GABRB2: variants seen among roughly 807,000 people sequenced by gnomAD.
The protein encoded by GABRB2 is gamma-aminobutyric acid receptor subunit beta-2.
Under a neutral mutation model 54.7 loss-of-function variants are expected in GABRB2, and 16 were observed. That is an observed-to-expected ratio of 0.29 (90% CI 0.20 to 0.44). The LOEUF (loss-of-function observed/expected upper bound fraction) is 0.44, where lower values mean the gene tolerates loss of function less well. Ranked by LOEUF, GABRB2 falls within the 20% of genes least tolerant of loss-of-function variation. GABRB2 has a pLI of 1.00. For missense variants in GABRB2, 355 were observed against 644.0 expected (o/e 0.55, Z 4.86); for synonymous variants, 244 against 233.8 (o/e 1.04, Z -0.40).
intron 4 of GABRB2, among the ~76,000 whole-genome samples, chr5:161,414,764 A>G (rs1035154911): frequency 1.3e-5 from 2 of 151,628 alleles, no homozygotes; most frequent in Non-Finnish European, 2.9e-5. Context: ...AACAAATATA[A>G]CAATAAATAA....
rs543423374 is a variant in GABRB2, at chr5:161,350,709, A to G, written c.542-13940T>C. Among the ~76,000 whole-genome samples the G allele has an allele frequency of 2.0e-5, 3 of 152,172 alleles. No individual in the cohort carries two copies. The East Asian group carries it at 5.8e-4, about 30-fold the overall frequency. On this transcript the variant is annotated intron_variant, in intron 5 of 9. Transcript: ENST00000393959. ...CCCTCAATCTGGGTGGGCACCATCT[A>G]ATTAGCTGCCAGTGCAGCCAGGATA...
intron 5 of GABRB2, among the ~76,000 whole-genome samples, chr5:161,365,363 A>G (rs1424843444): frequency 6.6e-6 from 1 of 152,190 alleles, no homozygotes; most frequent in African/African-American, 2.4e-5. Flanking sequence ...TCATGTCTAT[A>G]AAGTATTTCA....
chr5:161,312,996 TAGG>T (rs1361258776), intron 9 of GABRB2, among the ~76,000 whole-genome samples: 1 of 152,190 alleles, frequency 6.6e-6, no homozygotes, highest in African/African-American at 2.4e-5. Flanking sequence ...ACACTGTGGG[TAGG>T]AGAAGGGATA....
At chr5:161,407,247 T>C (rs1756373171) in intron 5 of GABRB2, among the ~76,000 whole-genome samples, 1 of 152,000 alleles carries the variant, frequency 6.6e-6, no homozygotes, top group South Asian at 2.1e-4. Flanking sequence ...ATTGTGTAGC[T>C]GAGCTGGCAC....
chr5:161,299,192 T>A (rs1409838724), intron 9 of GABRB2, among the ~76,000 whole-genome samples: 1 of 152,228 alleles, frequency 6.6e-6, no homozygotes, highest in Non-Finnish European at 1.5e-5. Context: ...AATAGACATC[T>A]GTGCTTTGCC....
At chr5:161,331,262 A>G (rs1753829023) in intron 7 of GABRB2, 135 bp from the exon 8 acceptor site, 1 of 1,003,156 alleles carries the variant, frequency 1.0e-6, no homozygotes, top group African/African-American at 1.6e-5. Flanking sequence ...TTACTATTGC[A>G]TGCCAGCCCT....
rs1757263600 is a variant in GABRB2, at chr5:161,292,411, T to C, written c.*1670A>G. On this transcript the variant is annotated 3_prime_UTR_variant, in exon 10 of 10. Transcript: ENST00000393959. ...AGGAAAATTTAGCAATTCACTATTT[T>C]CTATAAGAAAAGCAAAATATGAGCC... is the stretch of plus-strand genomic sequence containing the variant. 1 of 152,202 alleles carries C rather than the reference T, an allele frequency of 6.6e-6. No individual in the cohort carries two copies. Among genetic ancestry groups the C allele is most frequent in the South Asian group, 2.1e-4 (1 of 4,826 alleles). 9.4% of individuals were successfully genotyped at this position (152,202 alleles called of 1,614,324 possible). A position where few individuals can be genotyped will look rare whatever the true frequency, so the allele number is the denominator to read the frequency against.
At chr5:161,327,542 A>G (rs1644522) in intron 8 of GABRB2, among the ~76,000 whole-genome samples, 68,206 of 151,880 alleles carry the variant, frequency 0.45, 17,247 homozygotes, top group African/African-American at 0.69. Flanking sequence ...ATGACAGGAC[A>G]GGAATTATTT....
intron 5 of GABRB2, among the ~76,000 whole-genome samples, chr5:161,387,006 T>A (rs1441745826): frequency 1.3e-5 from 2 of 151,986 alleles, no homozygotes; most frequent in South Asian, 2.1e-4. Flanking sequence ...GCACATAATC[T>A]ATTAACACTG....
chr5:161,545,308 C>A lies in GABRB2; in HGVS notation c.170-14G>T. Reference sequence around the variant, plus strand: ...CCACGGGGGGACCTGCAAAGCAAGACGGCCAGCCACGTGATTTCTTTGAAC... The same window carrying A: ...CCACGGGGGGACCTGCAAAGCAAGAAGGCCAGCCACGTGATTTCTTTGAAC... On this transcript the variant is annotated splice_polypyrimidine_tract_variant and intron_variant, in intron 2 of 9. Transcript: ENST00000393959. The A allele has an allele frequency of 6.3e-7, 1 of 1,583,894 alleles. No individual in the cohort carries two copies.
intron 4 of GABRB2, among the ~76,000 whole-genome samples, chr5:161,412,727 C>T (rs945560467): frequency 1.3e-5 from 2 of 152,130 alleles, no homozygotes. Flanking sequence ...GCCTAGAACA[C>T]GTGTCTCCCT....
intron 5 of GABRB2, among the ~76,000 whole-genome samples, chr5:161,382,127 C>T (rs1408944959): frequency 6.6e-6 from 1 of 152,026 alleles, no homozygotes; most frequent in Non-Finnish European, 1.5e-5. Context: ...TGGTCCAATA[C>T]ATTGAAGGCA....
At chr5:161,389,518 T>C (rs891549324) in intron 5 of GABRB2, among the ~76,000 whole-genome samples, 2 of 151,646 alleles carry the variant, frequency 1.3e-5, no homozygotes, top group African/African-American at 2.4e-5. Flanking sequence ...GATAGATATA[T>C]AAAAACATAT....
chr5:161,402,323 T>A (rs1238399634), intron 5 of GABRB2, among the ~76,000 whole-genome samples: 1 of 152,158 alleles, frequency 6.6e-6, no homozygotes, highest in African/African-American at 2.4e-5. Flanking sequence ...TACTCTTAAA[T>A]TTTTTAAATG....
chr5:161,464,807 A>G (rs1188129156), intron 3 of GABRB2, among the ~76,000 whole-genome samples: 1 of 152,096 alleles, frequency 6.6e-6, no homozygotes, highest in Admixed American at 6.6e-5. Flanking sequence ...AAGGATACAT[A>G]TTGTATCATT....
intron 3 of GABRB2, among the ~76,000 whole-genome samples, chr5:161,491,952 G>A (rs1250714552): frequency 1.3e-5 from 2 of 151,578 alleles, no homozygotes. Context: ...GAACTGCTCA[G>A]TAATGAAAAG....
chr5:161,335,282 C>G (rs901351053), intron 6 of GABRB2, among the ~76,000 whole-genome samples: 3 of 152,084 alleles, frequency 2.0e-5, no homozygotes, highest in Admixed American at 1.3e-4. Context: ...GCTGCATGTT[C>G]TGGTCATAGT....
intron 3 of GABRB2, among the ~76,000 whole-genome samples, chr5:161,497,530 A>ATG (rs71587162): frequency 0.47 from 69,615 of 147,110 alleles, 17,049 homozygotes; most frequent in South Asian, 0.58. Context: ...GTGTGTGTAT[A>ATG]TGTGTGTGTG....
At chr5:161,433,949 A>T (rs961023230) in intron 4 of GABRB2, among the ~76,000 whole-genome samples, 1 of 152,198 alleles carries the variant, frequency 6.6e-6, no homozygotes, top group South Asian at 2.1e-4. Flanking sequence ...TCCTTAAAAC[A>T]TGCTAAATCT....
Sources: allele counts gnomAD v4.1 joint callset (sites outside exome capture counted in the v4.1 genomes callset), GRCh38; gene constraint gnomAD v4.1.1; transcripts MANE v1.5; gene names NCBI Gene and HGNC (gene_info 2026-07-23, HGNC 2026-07-21).